Variants in SRRM3 observed in about 807,000 individuals in gnomAD.
SRRM3 encodes the protein serine/arginine repetitive matrix 3.
In SRRM3, 27 loss-of-function variants were observed where a neutral mutation model predicts 66.2. The observed-to-expected ratio is 0.41, with a 90% CI of 0.30 to 0.56. SRRM3 has a LOEUF of 0.56. SRRM3 is among the 20% of genes least tolerant of loss of function. SRRM3 has a pLI of 0.32. For synonymous variants in SRRM3, 391 were observed against 414.9 expected (o/e 0.94, Z 0.70); for missense variants, 918 against 991.9 (o/e 0.93, Z 1.00).
chr7:76,238,913 TA>T (rs1801213898), intron 2 of SRRM3, among the ~76,000 whole-genome samples: 1 of 149,668 alleles, frequency 6.7e-6, no homozygotes, highest in Non-Finnish European at 1.5e-5. Context: ...CCACCTGCCT[TA>T]GCCTCCCAAA....
At chr7:76,249,379 CAAA>C (rs34280992) in intron 3 of SRRM3, among the ~76,000 whole-genome samples, 4 of 135,736 alleles carry the variant, frequency 2.9e-5, no homozygotes, top group African/African-American at 7.7e-5. Flanking sequence ...GACTCTGTCT[CAAA>C]AAAAAAAAAA....
chr7:76,286,776 C>T lies in SRRM3; in HGVS notation c.*933C>T, dbSNP rs139564006. ...AAGTCGTTCACTGACTGAGTAGCCC[C>T]CAGGGAGTGGAGACGGGTCCCTGGG... On this transcript the variant is annotated 3_prime_UTR_variant, in exon 15 of 15. Transcript: ENST00000611745. 5.2e-5 allele frequency: 8 copies of T among 152,448 alleles called. No homozygotes were observed. The East Asian group carries it at 1.5e-3, about 29-fold the overall frequency. The allele number at this position is 152,448 out of a possible 1,614,324, so 9.4% of individuals were successfully genotyped here.
chr7:76,285,067 C>T lies in SRRM3; in HGVS notation c.1734-548C>T, dbSNP rs537027607. Among the ~76,000 whole-genome samples the T allele has an allele frequency of 3.3e-5, 5 of 152,172 alleles. No individual in the cohort carries two copies. The South Asian group carries it at 1.0e-3, about 32-fold the overall frequency. The stretch of plus-strand genomic sequence containing the variant: ...ACATTTGCAAGTTTCATTCATTCAA[C>T]AAGTTTTTTTTTTTGAGACGGAGTC... On this transcript the variant is annotated intron_variant, in intron 14 of 14. Transcript: ENST00000611745. This position sits in a 1 kb window ranked among gnomAD's most constrained non-coding sequence, Gnocchi z 4.1.
intron 1 of SRRM3, among the ~76,000 whole-genome samples, chr7:76,227,019 C>G (rs1358305912): frequency 2.0e-5 from 3 of 152,116 alleles, no homozygotes; most frequent in Non-Finnish European, 4.4e-5. Flanking sequence ...TTCATGGTCT[C>G]ACAGCCAATC....
chr7:76,234,984 C>A (rs1801104780), intron 1 of SRRM3, 44 bp from the exon 2 acceptor site: 1 of 1,181,234 alleles, frequency 8.5e-7, no homozygotes, highest in Non-Finnish European at 1.2e-6. Flanking sequence ...TAACAGGTGG[C>A]GAAGAAGTGA....
intron 1 of SRRM3, among the ~76,000 whole-genome samples, chr7:76,228,510 G>T (rs1327082429): frequency 6.6e-6 from 1 of 152,014 alleles, no homozygotes; most frequent in Non-Finnish European, 1.5e-5. Context: ...GGATCATGAG[G>T]TCAGAAGTTC....
rs375161742 is a variant in SRRM3, at chr7:76,247,599, C to T, written c.234-589C>T. ...GAGGGGCTCAGCCTCACCTGAGGGG[C>T]GAGGGGGTCGTCTCTCCCCACCTCT... On this transcript the variant is annotated intron_variant, in intron 2 of 14. Coordinates refer to ENST00000611745, the MANE Select transcript of SRRM3 (RefSeq NM_001110199.3). 1.9e-4 allele frequency among the ~76,000 whole-genome samples: 29 copies of T among 152,174 alleles called. No homozygotes were observed. The East Asian group carries it at 2.9e-3, about 15-fold the overall frequency.
rs1554612760 is a variant in SRRM3 at position 76,285,848 on chromosome 7, A to G, written c.*5A>G. The G allele has an allele frequency of 1.9e-6, 3 of 1,545,314 alleles. No individual in the cohort carries two copies. Among genetic ancestry groups the G allele is most frequent in the Admixed American group, 2.0e-5 (1 of 50,812 alleles). The stretch of plus-strand genomic sequence containing the variant: ...TCTGAGAGCGGGGGCTTCTGAGCCC[A>G]GACAGACTCAGCTTGGTGCCCCCCT... On this transcript the variant is annotated 3_prime_UTR_variant, in exon 15 of 15. Coordinates refer to ENST00000611745, the MANE Select transcript of SRRM3 (RefSeq NM_001110199.3). The surrounding 1 kb of genome is among the most constrained non-coding windows in gnomAD (Gnocchi z 4.1).
chr7:76,233,619 G>C (rs963709910), intron 1 of SRRM3, among the ~76,000 whole-genome samples: 1 of 152,136 alleles, frequency 6.6e-6, no homozygotes, highest in Non-Finnish European at 1.5e-5. Flanking sequence ...GTGGAAAAGA[G>C]GGGTTAGAAG....
intron 1 of SRRM3, among the ~76,000 whole-genome samples, chr7:76,213,056 C>T (rs1554601994): frequency 1.6e-5 from 2 of 125,814 alleles, no homozygotes; most frequent in African/African-American, 6.1e-5. Context: ...GTCGCCCAGG[C>T]TGGAGTGCAA....
At chr7:76,245,179 T>C (rs1278743053) in intron 2 of SRRM3, among the ~76,000 whole-genome samples, 1 of 152,184 alleles carries the variant, frequency 6.6e-6, no homozygotes, top group Non-Finnish European at 1.5e-5. Context: ...TGAAAGTTAA[T>C]GTATGAGTCA....
chr7:76,267,387 G>A lies in SRRM3; in HGVS notation c.960G>A (p.Arg320=), dbSNP rs1554609900. The change falls in exon 11 of 15, where the codon CGG becomes CGA. Residue 320 remains arginine, a synonymous_variant. Coordinates refer to ENST00000611745, the MANE Select transcript of SRRM3 (RefSeq NM_001110199.3). ...SPQRNGGSGQ[R]SGAHGGRPGS... is the part of the protein sequence containing the mutation. ...AGCGGAACGGCGGCAGCGGGCAGCG[G>A]AGCGGAGCGCACGGGGGCCGCCCCG... 2 of 1,421,704 alleles carry A rather than the reference G, an allele frequency of 1.4e-6. No individual in the cohort carries two copies. Among genetic ancestry groups the A allele is most frequent in the Admixed American group, 3.6e-5 (1 of 27,982 alleles). 88.1% of individuals were successfully genotyped at this position (1,421,704 alleles called of 1,614,324 possible).
intron 14 of SRRM3, among the ~76,000 whole-genome samples, chr7:76,283,343 A>C (rs1450496868): frequency 1.3e-5 from 2 of 150,354 alleles, no homozygotes; most frequent in Non-Finnish European, 3.0e-5. Flanking sequence ...CGCAGAAGGA[A>C]GGGCCACGGT....
Position 76,282,712 on chromosome 7 carries a change from C to A in SRRM3, c.1435C>A (p.Arg479=). The change falls in exon 13 of 15, where the codon CGG becomes AGG. Residue 479 remains arginine (R), a synonymous_variant. Coordinates refer to ENST00000611745, the MANE Select transcript of SRRM3 (RefSeq NM_001110199.3). ...STSPSPGAHG[R]RGGPEGKSSS... ...CTCTCCGTCCCCGGGCGCGCACGGC[C>A]GGCGCGGCGGCCCAGAAGGGAAGAG... 7.0e-7 allele frequency: 1 copy of A among 1,424,258 alleles called. No individual in the cohort carries two copies. Among genetic ancestry groups the A allele is most frequent in the Non-Finnish European group, 9.1e-7 (1 of 1,095,590 alleles). 88.2% of individuals were successfully genotyped at this position (1,424,258 alleles called of 1,614,324 possible).
Position 76,218,312 on chromosome 7 carries a change from C to G in SRRM3, c.-40+16245C>G, listed in dbSNP as rs74483909. 5.7e-3 allele frequency among the ~76,000 whole-genome samples: 873 copies of G among 152,306 alleles called. 8 individuals carry two copies. Among genetic ancestry groups the G allele is most frequent in the African/African-American group, 0.02 (817 of 41,550 alleles). ...TCCACCAAGGCCATCTGATTTGCAC[C>G]CTCCCGGGACACAGAGACCGCCACC... On this transcript the variant is annotated intron_variant, in intron 1 of 14. Transcript: ENST00000611745.
chr7:76,276,399 G>C (rs995563802), intron 11 of SRRM3, among the ~76,000 whole-genome samples: 7 of 152,170 alleles, frequency 4.6e-5, no homozygotes, highest in Admixed American at 2.6e-4. Context: ...GGAAGCTCCT[G>C]CTCACCACGG....
intron 2 of SRRM3, among the ~76,000 whole-genome samples, chr7:76,235,619 A>G (rs1801125115): frequency 6.6e-6 from 1 of 152,098 alleles, no homozygotes; most frequent in Non-Finnish European, 1.5e-5. Flanking sequence ...TGATTCCAGC[A>G]CTTTGAAAGG....
chr7:76,230,776 A>C (rs1554604182), intron 1 of SRRM3, among the ~76,000 whole-genome samples: 1 of 150,172 alleles, frequency 6.7e-6, no homozygotes, highest in East Asian at 1.9e-4. Flanking sequence ...TTCAAGACAG[A>C]GTCTCACTCT....
chr7:76,265,062 C>T (rs371114471), intron 9 of SRRM3, among the ~76,000 whole-genome samples: 3 of 152,114 alleles, frequency 2.0e-5, no homozygotes, highest in African/African-American at 7.2e-5. Context: ...CTCCTTCCTC[C>T]CACCCCACAA....
Sources: gnomAD v4.1 joint callset for allele counts (sites outside exome capture counted in the v4.1 genomes callset) on GRCh38, gnomAD v4.1.1 for gene constraint, Gnocchi (gnomAD v3.1) non-coding constraint, MANE v1.5 for transcripts, NCBI Gene and HGNC (gene_info 2026-07-23, HGNC 2026-07-21) for gene names.